The following HIC1 variants were observed in gnomAD, a reference collection of about 807,000 sequenced individuals.
The protein encoded by HIC1 is HIC ZBTB transcriptional repressor 1.
HIC1 carries 9 observed loss-of-function variants against 26.4 expected under a neutral mutation model. That is an observed-to-expected ratio of 0.34 (90% confidence interval 0.21 to 0.59). HIC1 has a LOEUF of 0.59. HIC1 is among the 20% of genes least tolerant of loss of function. The pLI, the probability that HIC1 is intolerant of heterozygous loss-of-function variation, is 0.82. For synonymous variants in HIC1, 631 were observed against 523.1 expected, an observed-to-expected ratio of 1.21 and a Z score of -2.81; for missense variants, 965 against 1,075.7, an observed-to-expected ratio of 0.90 and a Z score of 1.44.
Position 2,057,698 on chromosome 17 carries a change from C to A in HIC1, c.1008C>A (p.Arg336=). 6.7e-7 allele frequency: 1 copy of A among 1,482,288 alleles called. No individual in the cohort carries two copies. Among genetic ancestry groups the A allele is most frequent in the Non-Finnish European group, 8.9e-7 (1 of 1,122,514 alleles). 91.8% of individuals were successfully genotyped at this position (1,482,288 alleles called of 1,614,324 possible). A position where few individuals can be genotyped will look rare whatever the true frequency, so the allele number is the denominator to read the frequency against. ...GGGAGCGCGGCTCCCCCAGCGAGCG[C>A]TGCGAAGAGCGTGGTGGGGACGCGG... ...LGRERGSPSE[R]CEERGGDAAV... is the part of the protein sequence containing the mutation. Residue 336 remains arginine, a synonymous_variant, in exon 2 of 2, where the codon CGC becomes CGA. Transcript: ENST00000619757.
At chr17:2,056,507 G>A in intron 1 of HIC1, 164 bp from the exon 2 acceptor site, 3 of 1,344,882 alleles carry the variant, frequency 2.2e-6, no homozygotes, top group Non-Finnish European at 3.1e-6. Flanking sequence ...GCCGGCCTGG[G>A]CTCCCACTCC....
chr17:2,059,720 C>G lies in HIC1; in HGVS notation c.*885C>G, dbSNP rs1480121240. 1.2e-5 allele frequency: 2 copies of G among 167,250 alleles called. No individual in the cohort carries two copies. The highest frequency in any genetic ancestry group is 4.8e-5 in the African/African-American group (2 of 41,482). 10.4% of individuals were successfully genotyped at this position (167,250 alleles called of 1,614,324 possible). On this transcript the variant is annotated 3_prime_UTR_variant, in exon 2 of 2. Coordinates refer to ENST00000619757, the MANE Select transcript of HIC1 (RefSeq NM_006497.4). Reference sequence around the variant, plus strand: ...CCCGCTGCTCTCTTCTGCCCCTGCACAAGGACCTGGATGGGCTGCGCCCGC... The same window carrying G: ...CCCGCTGCTCTCTTCTGCCCCTGCAGAAGGACCTGGATGGGCTGCGCCCGC...
chr17:2,056,509 T>C (rs1021055044), intron 1 of HIC1, 162 bp from the exon 2 acceptor site: 2 of 1,343,272 alleles, frequency 1.5e-6, no homozygotes, highest in African/African-American at 1.5e-5. Flanking sequence ...CGGCCTGGGC[T>C]CCCACTCCAG....
chr17:2,056,972 TGCGGCC>T lies in HIC1; in HGVS notation c.290_295del (p.Ala97_Ala98del). ...GCCTGGCTGACGGCGCAGAGGCGGC[TGCGGCC>T]GCGGCCGTGGCCCCGGGGGCTGAGC... On this transcript the variant is annotated inframe_deletion, in exon 2 of 2. Transcript: ENST00000619757. The T allele has an allele frequency of 6.3e-7, 1 of 1,582,434 alleles. No individual in the cohort carries two copies. Among genetic ancestry groups the T allele is most frequent in the Non-Finnish European group, 8.6e-7 (1 of 1,166,768 alleles).
rs1247679126 is a variant in HIC1 at position 2,061,768 on chromosome 17, G to A, written c.*2933G>A. The A allele has an allele frequency of 1.3e-5, 12 of 949,936 alleles. No individual in the cohort carries two copies. The East Asian group carries it at 1.9e-4, about 15-fold the overall frequency. 58.8% of individuals were successfully genotyped at this position (949,936 alleles called of 1,614,324 possible). A position where few individuals can be genotyped will look rare whatever the true frequency, so the allele number is the denominator to read the frequency against. The stretch of plus-strand genomic sequence containing the variant: ...CTTCTACCAGTCCTTTCCTCCGTCC[G>A]GGCTCTCAGCCCCGGGGACCCTCCC... On this transcript the variant is annotated 3_prime_UTR_variant, in exon 2 of 2. Transcript: ENST00000619757.
rs1322286594 is a variant in HIC1 at position 2,059,515 on chromosome 17, T to G, written c.*680T>G. ...CCCTGCGGCCCCGGACCATATTTAT[T>G]GCATGCGCCCCGGCGGCCCCCCATC... is the stretch of plus-strand genomic sequence containing the variant. On this transcript the variant is annotated 3_prime_UTR_variant, in exon 2 of 2. Transcript: ENST00000619757. 1 of 167,878 alleles carries G rather than the reference T, an allele frequency of 6.0e-6. No individual in the cohort carries two copies. 10.4% of individuals were successfully genotyped at this position (167,878 alleles called of 1,614,324 possible).
Position 2,062,328 on chromosome 17 carries a change from G to A in HIC1, c.*3493G>A, listed in dbSNP as rs1252121991. Reference sequence around the variant, plus strand: ...TCCCAGTTCTCCGTCTTGTACCCCAGGGAAGACCTGTGTATCCTTCCAGGT... The same window carrying A: ...TCCCAGTTCTCCGTCTTGTACCCCAAGGAAGACCTGTGTATCCTTCCAGGT... On this transcript the variant is annotated 3_prime_UTR_variant, in exon 2 of 2. Transcript: ENST00000619757. The A allele has an allele frequency of 6.6e-6, 1 of 152,248 alleles. No individual in the cohort carries two copies. Among genetic ancestry groups the A allele is most frequent in the Non-Finnish European group, 1.5e-5 (1 of 68,060 alleles). The allele number at this position is 152,248 out of a possible 1,614,324, so 9.4% of individuals were successfully genotyped here. A position where few individuals can be genotyped will look rare whatever the true frequency, so the allele number is the denominator to read the frequency against.
In HIC1 at chr17:2,061,807, G is replaced by A. The variant is rs569837323; in HGVS notation, c.*2972G>A. 5.9e-5 allele frequency: 37 copies of A among 629,684 alleles called. 2 individuals carry two copies. In the Middle Eastern group the frequency reaches 3.1e-3, roughly 53 times the overall value. 39.0% of individuals were successfully genotyped at this position (629,684 alleles called of 1,614,324 possible). ...GGGGACCCTCCCCTGCTGGCCTAGAGAGGGCTGCACTGGGCTTCTGCCTTG... is the reference window on the plus strand; with the variant it reads ...GGGGACCCTCCCCTGCTGGCCTAGAAAGGGCTGCACTGGGCTTCTGCCTTG... On this transcript the variant is annotated 3_prime_UTR_variant, in exon 2 of 2. Coordinates refer to ENST00000619757, the MANE Select transcript of HIC1 (RefSeq NM_006497.4).
At position 2,057,547 on chromosome 17, in the gene HIC1, A is replaced by G. The variant is rs1284892106; in HGVS notation, c.857A>G (p.Asp286Gly). 2 of 1,498,342 alleles carry G rather than the reference A, an allele frequency of 1.3e-6. No individual in the cohort carries two copies. The highest frequency in any genetic ancestry group is 2.5e-5 in the South Asian group (2 of 81,076). 92.8% of individuals were successfully genotyped at this position (1,498,342 alleles called of 1,614,324 possible). Residue 286 changes from aspartate (D) to glycine (G), a missense_variant, in exon 2 of 2, where the codon GAC (aspartate) becomes GGC (glycine). Asp to Gly is a moderately conservative substitution (Grantham distance 94). Coordinates refer to ENST00000619757, the MANE Select transcript of HIC1 (RefSeq NM_006497.4). ...CTGGAGGAGGCCGCACCGCCTTCCG[A>G]CCCATTTCGCGGCGGCAGCGGCAGC... Reference protein sequence around the residue: ...QKLEEAAPPSDPFRGGSGSPG... With the variant: ...QKLEEAAPPSGPFRGGSGSPG...
Position 2,057,453 on chromosome 17 carries a change from G to A in HIC1, c.763G>A (p.Ala255Thr). 6.8e-7 allele frequency: 1 copy of A among 1,464,266 alleles called. No individual in the cohort carries two copies. Among genetic ancestry groups the A allele is most frequent in the Non-Finnish European group, 9.0e-7 (1 of 1,115,578 alleles). The allele number at this position is 1,464,266 out of a possible 1,614,324, so 90.7% of individuals were successfully genotyped here. A position where few individuals can be genotyped will look rare whatever the true frequency, so the allele number is the denominator to read the frequency against. Residue 255 changes from alanine (A) to threonine (T), a missense_variant, in exon 2 of 2, where the codon GCC becomes ACC. Ala to Thr is a moderately conservative substitution (Grantham distance 58). Coordinates refer to ENST00000619757, the MANE Select transcript of HIC1 (RefSeq NM_006497.4). ...LPPRPDSPPSAGPAAYKEPPL... is the reference protein window; with the variant it reads ...LPPRPDSPPSTGPAAYKEPPL... ...CCCGCGCCCGGACAGCCCTCCCAGC[G>A]CCGGCCCCGCCGCCTACAAGGAGCC...
Position 2,058,117 on chromosome 17 carries a change from G to A in HIC1, c.1427G>A (p.Gly476Glu), listed in dbSNP as rs748619078. 3 of 1,600,182 alleles carry A rather than the reference G, an allele frequency of 1.9e-6. No homozygotes were observed. The highest frequency in any genetic ancestry group is 2.3e-5 in the East Asian group (1 of 44,420). ...GGAGGCGGCGGGGACAAGGTCGCCGGGGCTCCGGGTGGCCTGGGAGAGCTG... is the reference window on the plus strand; with the variant it reads ...GGAGGCGGCGGGGACAAGGTCGCCGAGGCTCCGGGTGGCCTGGGAGAGCTG... ...PFGGGGDKVA[G>E]APGGLGELLR... The change falls in exon 2 of 2, where the codon GGG becomes GAG. Residue 476 changes from glycine to glutamate, a missense_variant. By Grantham distance (98) the Gly-to-Glu change is moderately conservative. Transcript: ENST00000619757.
At chr17:2,056,153 C>CCCCG (rs2067670319) in intron 1 of HIC1, 1 of 510,254 alleles carries the variant, frequency 2.0e-6, no homozygotes, top group Non-Finnish European at 3.5e-6. Context: ...GGGCCCCGAC[C>CCCCG]GAGGGTTGAC....
At position 2,063,234 on chromosome 17, in the gene HIC1, T is replaced by C. The variant is rs2067836973; in HGVS notation, c.*4399T>C. On this transcript the variant is annotated 3_prime_UTR_variant, in exon 2 of 2. Transcript: ENST00000619757. ...GACATTTTTCACAATAAACATCCTC[T>C]GTTTTGACACTGGTAACTTCACTTT... is the stretch of plus-strand genomic sequence containing the variant. 1 of 152,252 alleles carries C rather than the reference T, an allele frequency of 6.6e-6. No homozygotes were observed. The highest frequency in any genetic ancestry group is 2.1e-4 in the South Asian group (1 of 4,836). The allele number at this position is 152,252 out of a possible 1,614,324, so 9.4% of individuals were successfully genotyped here.
rs748332422 is a variant in HIC1, at chr17:2,057,761, G to A, written c.1071G>A (p.Pro357=). The stretch of plus-strand genomic sequence containing the variant: ...GGGGGCCCCCGCTCGGCCTGGCGCC[G>A]CCGCCGCGCTACCCTGGCAGCCTGG... ...SPGGPPLGLA[P]PPRYPGSLDG... The change falls in exon 2 of 2, where the codon CCG becomes CCA. Residue 357 remains proline (P), a synonymous_variant. Coordinates refer to ENST00000619757, the MANE Select transcript of HIC1 (RefSeq NM_006497.4). The A allele has an allele frequency of 5.0e-6, 7 of 1,413,430 alleles. No homozygotes were observed. In the African/African-American group the frequency reaches 1.1e-4, roughly 21 times the overall value. The allele number at this position is 1,413,430 out of a possible 1,614,324, so 87.6% of individuals were successfully genotyped here.
In HIC1 at chr17:2,062,517, G is replaced by A. The variant is rs1222742852; in HGVS notation, c.*3682G>A. On this transcript the variant is annotated 3_prime_UTR_variant, in exon 2 of 2. Coordinates refer to ENST00000619757, the MANE Select transcript of HIC1 (RefSeq NM_006497.4). ...TTTAGATGACTTTTTTTTTTTTTAA[G>A]CACAGTCTCTCCACTACCTCTCTTT... 1.4e-5 allele frequency: 2 copies of A among 143,488 alleles called. No homozygotes were observed. Among genetic ancestry groups the A allele is most frequent in the Non-Finnish European group, 3.0e-5 (2 of 65,752 alleles). The allele number at this position is 143,488 out of a possible 1,614,324, so 8.9% of individuals were successfully genotyped here.
chr17:2,057,648 G>T lies in HIC1; in HGVS notation c.958G>T (p.Gly320Cys). The T allele has an allele frequency of 1.3e-6, 2 of 1,515,852 alleles. No individual in the cohort carries two copies. The highest frequency in any genetic ancestry group is 1.8e-6 in the Non-Finnish European group (2 of 1,139,702). The allele number at this position is 1,515,852 out of a possible 1,614,324, so 93.9% of individuals were successfully genotyped here. A position where few individuals can be genotyped will look rare whatever the true frequency, so the allele number is the denominator to read the frequency against. The change falls in exon 2 of 2, where the codon GGT (glycine) becomes TGT (cysteine). Residue 320 changes from glycine (G) to cysteine (C), a missense_variant. By Grantham distance (159) the Gly-to-Cys change is radical. Around this residue, in one of 6 missense-constraint regions of HIC1, gnomAD observed 526 missense variants for 525.0 expected, o/e 1.00. Coordinates refer to ENST00000619757, the MANE Select transcript of HIC1 (RefSeq NM_006497.4). ...YRWMKHEPGL[G>C]SYGDELGRER... ...CTGGATGAAGCACGAGCCGGGCCTGGGTAGCTATGGCGACGAGCTGGGCCG... is the reference window on the plus strand; with the variant it reads ...CTGGATGAAGCACGAGCCGGGCCTGTGTAGCTATGGCGACGAGCTGGGCCG...
chr17:2,061,747 T>TA lies in HIC1; in HGVS notation c.*2913dup, dbSNP rs1379838548. 5.4e-6 allele frequency: 6 copies of TA among 1,120,118 alleles called. No individual in the cohort carries two copies. In the African/African-American group the frequency reaches 7.7e-5, roughly 14 times the overall value. The allele number at this position is 1,120,118 out of a possible 1,614,324, so 69.4% of individuals were successfully genotyped here. The stretch of plus-strand genomic sequence containing the variant: ...CACGCTAGCCGTGTCTTGGCTCTTC[T>TA]ACCAGTCCTTTCCTCCGTCCGGGCT... On this transcript the variant is annotated 3_prime_UTR_variant, in exon 2 of 2. Coordinates refer to ENST00000619757, the MANE Select transcript of HIC1 (RefSeq NM_006497.4).
rs372133090 is a variant in HIC1 at position 2,055,692 on chromosome 17, G to T, written c.-21+454G>T. 1.6e-4 allele frequency among the ~76,000 whole-genome samples: 24 copies of T among 151,776 alleles called. No homozygotes were observed. The East Asian group carries it at 4.3e-3, about 27-fold the overall frequency. On this transcript the variant is annotated intron_variant, in intron 1 of 1. Transcript: ENST00000619757. The surrounding 1 kb of genome is among the most constrained non-coding windows in gnomAD (Gnocchi z 6.4). ...GGTCGGGCGGGCGAGCAGCGGGCAGGGGAGCTCAGGGCTCGGCTCCGGGCT... is the reference window on the plus strand; with the variant it reads ...GGTCGGGCGGGCGAGCAGCGGGCAGTGGAGCTCAGGGCTCGGCTCCGGGCT...
chr17:2,058,679 C>G lies in HIC1; in HGVS notation c.1989C>G (p.His663Gln). Residue 663 changes from histidine (H) to glutamine (Q), a missense_variant, in exon 2 of 2, where the codon CAC (histidine) becomes CAG (glutamine). Physicochemically the swap from His to Gln is conservative, Grantham distance 24. Coordinates refer to ENST00000619757, the MANE Select transcript of HIC1 (RefSeq NM_006497.4). ...TGGCGCAGACCACGCACTTCCTGCACGACCCCAAGGTGGCGCTGGAGAGCC... is the reference window on the plus strand; with the variant it reads ...TGGCGCAGACCACGCACTTCCTGCAGGACCCCAAGGTGGCGCTGGAGAGCC... Reference protein sequence around the residue: ...ELLAQTTHFLHDPKVALESLY... With the variant: ...ELLAQTTHFLQDPKVALESLY... 1 of 1,556,810 alleles carries G rather than the reference C, an allele frequency of 6.4e-7. No homozygotes were observed.
Sources: gnomAD v4.1 joint callset for allele counts (sites outside exome capture counted in the v4.1 genomes callset) on GRCh38, gnomAD v4.1.1 for gene constraint, gnomAD v4.1.1 regional missense constraint, Gnocchi (gnomAD v3.1) non-coding constraint, MANE v1.5 for transcripts, NCBI Gene and HGNC (gene_info 2026-07-23, HGNC 2026-07-21) for gene names.